The following CDC42BPA variants were observed in gnomAD, a reference collection of about 807,000 sequenced individuals.
CDC42BPA encodes CDC42 binding protein kinase alpha.
A neutral mutation model predicts 223.5 loss-of-function variants in CDC42BPA; 80 were observed. The observed-to-expected ratio is 0.36, with a 90% CI of 0.30 to 0.43. The LOEUF (loss-of-function observed/expected upper bound fraction) is 0.43, where lower values mean the gene tolerates loss of function less well. CDC42BPA is among the 20% of genes least tolerant of loss of function. The pLI, the probability that CDC42BPA is intolerant of heterozygous loss-of-function variation, is 1.00. For synonymous variants in CDC42BPA, 694 were observed against 718.6 expected, an observed-to-expected ratio of 0.97 and a Z score of 0.55; for missense variants, 1,743 against 2,099.9, an observed-to-expected ratio of 0.83 and a Z score of 3.32.
At chr1:227,201,675 A>G (rs1467618998) in intron 3 of CDC42BPA, among the ~76,000 whole-genome samples, 1 of 92,928 alleles carries the variant, frequency 1.1e-5, no homozygotes, top group East Asian at 2.8e-4. Flanking sequence ...GCACGTGCAC[A>G]CACATACACA....
intron 1 of CDC42BPA, among the ~76,000 whole-genome samples, chr1:227,284,145 T>C (rs974694006): frequency 3.9e-5 from 6 of 152,314 alleles, no homozygotes; most frequent in African/African-American, 1.2e-4. Context: ...TATTAATGCT[T>C]TGTCTTGACA....
At chr1:227,297,377 A>G (rs1690825238) in intron 1 of CDC42BPA, among the ~76,000 whole-genome samples, 1 of 152,200 alleles carries the variant, frequency 6.6e-6, no homozygotes, top group Non-Finnish European at 1.5e-5. Context: ...ACAGTTTGGC[A>G]GTTCCTCAAA....
chr1:227,130,846 T>G (rs1648891033), intron 10 of CDC42BPA, among the ~76,000 whole-genome samples: 1 of 143,190 alleles, frequency 7.0e-6, no homozygotes, highest in African/African-American at 2.7e-5. Flanking sequence ...AGATCGAGAC[T>G]CTGTCTCAAA....
intron 6 of CDC42BPA, among the ~76,000 whole-genome samples, chr1:227,155,597 A>G (rs1662599511): frequency 6.6e-6 from 1 of 152,114 alleles, no homozygotes; most frequent in Non-Finnish European, 1.5e-5. Context: ...TCTCCATGGG[A>G]AAAAAAGGAA....
At chr1:227,191,677 T>G (rs1669729033) in intron 5 of CDC42BPA, among the ~76,000 whole-genome samples, 1 of 121,464 alleles carries the variant, frequency 8.2e-6, no homozygotes, top group South Asian at 3.1e-4. Context: ...TTTAGTAACA[T>G]TCTTCAAATA....
intron 23 of CDC42BPA, 52 bp downstream of exon 23, chr1:227,047,875 G>C (rs370450423): frequency 7.2e-5 from 75 of 1,048,240 alleles, no homozygotes; most frequent in Non-Finnish European, 1.1e-4. Flanking sequence ...GCATAGAGCA[G>C]ATAAAATTCA....
At chr1:227,130,512 T>G (rs185774314) in intron 10 of CDC42BPA, among the ~76,000 whole-genome samples, 1 of 152,320 alleles carries the variant, frequency 6.6e-6, no homozygotes. Context: ...TTTTTATTTT[T>G]TAAGACATCT....
intron 17 of CDC42BPA, among the ~76,000 whole-genome samples, chr1:227,076,343 G>A (rs1165276139): frequency 1.3e-5 from 2 of 152,022 alleles, no homozygotes; most frequent in Non-Finnish European, 2.9e-5. Flanking sequence ...TGCAACTTCC[G>A]TCTCCTGGGT....
rs78061714 is a variant in CDC42BPA, at chr1:227,069,441, G to A, written c.2904+336C>T. The A allele has an allele frequency of 1.9e-3, 311 of 168,030 alleles. 8 individuals carry two copies. In the East Asian group the frequency reaches 0.044, roughly 24 times the overall value. 10.4% of individuals were successfully genotyped at this position (168,030 alleles called of 1,614,324 possible). ...TTGACATTTTCTCACTTTTTATTGT[G>A]GCACTATGCTTTGGAGAATAAAAAA... On this transcript the variant is annotated intron_variant, in intron 21 of 36. Coordinates refer to ENST00000366766, the MANE Select transcript of CDC42BPA (RefSeq NM_001394014.1).
intron 2 of CDC42BPA, among the ~76,000 whole-genome samples, chr1:227,236,984 A>G (rs1055706271): frequency 1.4e-5 from 2 of 139,294 alleles, no homozygotes; most frequent in South Asian, 2.5e-4. Context: ...TCGAGGCTAC[A>G]GTGAGCTGTA....
intron 3 of CDC42BPA, among the ~76,000 whole-genome samples, chr1:227,206,582 G>A (rs1278315154): frequency 6.6e-6 from 1 of 152,148 alleles, no homozygotes; most frequent in Non-Finnish European, 1.5e-5. Flanking sequence ...AGCATCACTG[G>A]TAGGTCTTGT....
At chr1:227,007,594 G>A (rs1378998619) in intron 34 of CDC42BPA, among the ~76,000 whole-genome samples, 7 of 152,126 alleles carry the variant, frequency 4.6e-5, no homozygotes, top group Non-Finnish European at 8.8e-5. Flanking sequence ...GCTAACTAGT[G>A]TATTTTTAAA....
intron 23 of CDC42BPA, among the ~76,000 whole-genome samples, chr1:227,044,162 A>G (rs907085344): frequency 6.6e-6 from 1 of 152,190 alleles, no homozygotes; most frequent in Admixed American, 6.5e-5. Context: ...GGAATTATTT[A>G]TATCACTTGC....
chr1:227,132,298 T>C (rs1657296960), intron 10 of CDC42BPA, among the ~76,000 whole-genome samples: 1 of 151,998 alleles, frequency 6.6e-6, no homozygotes, highest in East Asian at 1.9e-4. Flanking sequence ...ACCTGACTGG[T>C]TTTCGTATTT....
chr1:227,005,041 C>A lies in CDC42BPA; in HGVS notation c.4928G>T (p.Arg1643Leu), dbSNP rs768760090. The A allele has an allele frequency of 3.1e-6, 5 of 1,613,958 alleles. No individual in the cohort carries two copies. Among genetic ancestry groups the A allele is most frequent in the Middle Eastern group, 1.6e-4 (1 of 6,084 alleles). ...SVSIPSITKSRPEPGRSMSAS... is the reference protein window; with the variant it reads ...SVSIPSITKSLPEPGRSMSAS... ...ACTCATGGAGCGGCCTGGCTCAGGG[C>A]GGGATTTGGTGATAGATGGAATACT... The change falls in exon 35 of 37, where the codon CGC (arginine) becomes CTC (leucine). Residue 1643 changes from arginine (R) to leucine (L), a missense_variant. Arg to Leu is a moderately radical substitution (Grantham distance 102). This residue lies in a region of CDC42BPA where 200 missense variants were observed against 192.8 expected (regional missense o/e 1.04). Coordinates refer to ENST00000366766, the MANE Select transcript of CDC42BPA (RefSeq NM_001394014.1).
At chr1:227,090,296 T>C (rs1682835852) in intron 16 of CDC42BPA, among the ~76,000 whole-genome samples, 1 of 152,134 alleles carries the variant, frequency 6.6e-6, no homozygotes, top group African/African-American at 2.4e-5. Flanking sequence ...AAATGCTGAA[T>C]AATCATGGGG....
intron 10 of CDC42BPA, among the ~76,000 whole-genome samples, chr1:227,130,792 T>A (rs568536546): frequency 6.6e-6 from 1 of 152,246 alleles, no homozygotes; most frequent in Admixed American, 6.5e-5. Context: ...GAGGCAGAGG[T>A]TGCAGTGAGC....
chr1:227,076,799 CAA>C (rs1198828878), intron 17 of CDC42BPA, among the ~76,000 whole-genome samples: 2 of 152,044 alleles, frequency 1.3e-5, no homozygotes, highest in African/African-American at 2.4e-5. Context: ...CTACCAAATC[CAA>C]AAGTTCCCTG....
intron 25 of CDC42BPA, 124 bp downstream of exon 25, chr1:227,035,344 AATT>A (rs1670024517): frequency 4.4e-6 from 3 of 683,754 alleles, no homozygotes; most frequent in South Asian, 4.3e-5. Flanking sequence ...GATGAAATAA[AATT>A]ATTAGATGAA....
Sources: gnomAD v4.1 joint callset for allele counts (sites outside exome capture counted in the v4.1 genomes callset) on GRCh38, gnomAD v4.1.1 for gene constraint, gnomAD v4.1.1 regional missense constraint, MANE v1.5 for transcripts, NCBI Gene and HGNC (gene_info 2026-07-23, HGNC 2026-07-21) for gene names.